The following PPP3CA variants were observed in gnomAD, a reference collection of about 807,000 sequenced individuals.
PPP3CA encodes the protein protein phosphatase 3 catalytic subunit alpha.
Under a neutral mutation model 66.5 loss-of-function variants are expected in PPP3CA, and 14 were observed. That is an observed-to-expected ratio of 0.21 (90% CI 0.14 to 0.33). The LOEUF (loss-of-function observed/expected upper bound fraction) is 0.33, where lower values mean the gene tolerates loss of function less well. Ranked by LOEUF, PPP3CA falls within the 10% of genes least tolerant of loss-of-function variation. The pLI is 1.00. For missense variants in PPP3CA, 317 were observed against 639.5 expected, an observed-to-expected ratio of 0.50 and a Z score of 5.44; for synonymous variants, 232 against 226.2, an observed-to-expected ratio of 1.03 and a Z score of -0.23.
intron 10 of PPP3CA, among the ~76,000 whole-genome samples, chr4:101,057,183 T>C (rs1728263405): frequency 6.6e-6 from 1 of 152,042 alleles, no homozygotes; most frequent in Non-Finnish European, 1.5e-5. Context: ...GCCTTCCAAG[T>C]AGCTAGGAAT....
Position 101,347,025 on chromosome 4 carries a change from C to T in PPP3CA, c.-229G>A. 2 of 594,866 alleles carry T rather than the reference C, an allele frequency of 3.4e-6. No individual in the cohort carries two copies. The highest frequency in any genetic ancestry group is 5.9e-6 in the Non-Finnish European group (2 of 340,410). The allele number at this position is 594,866 out of a possible 1,614,324, so 36.8% of individuals were successfully genotyped here. On this transcript the variant is annotated 5_prime_UTR_variant, in exon 1 of 14. Transcript: ENST00000394854. ...CCTCCTCCGCCGCTGCCGCCAGCCC[C>T]GCCGACTCGCTCCGGGCTGCGCGTG...
intron 2 of PPP3CA, among the ~76,000 whole-genome samples, chr4:101,186,018 G>A (rs905952009): frequency 6.6e-6 from 1 of 152,126 alleles, no homozygotes; most frequent in African/African-American, 2.4e-5. Flanking sequence ...TCTTTATAGT[G>A]TACAAAAGAA....
intron 1 of PPP3CA, among the ~76,000 whole-genome samples, chr4:101,310,843 T>G (rs1018056482): frequency 6.6e-6 from 1 of 152,142 alleles, no homozygotes; most frequent in African/African-American, 2.4e-5. Context: ...AAACTATAAA[T>G]GTACTTGGCA....
chr4:101,088,271 G>T (rs1171900272), intron 6 of PPP3CA, among the ~76,000 whole-genome samples: 1 of 152,130 alleles, frequency 6.6e-6, no homozygotes. Flanking sequence ...CTTGAAGGCA[G>T]GGACTCAGCA....
chr4:101,125,805 A>G (rs1447463757), intron 2 of PPP3CA, among the ~76,000 whole-genome samples: 1 of 152,188 alleles, frequency 6.6e-6, no homozygotes, highest in Non-Finnish European at 1.5e-5. Flanking sequence ...TCTGCATAGA[A>G]TTTATAATAG....
intron 1 of PPP3CA, among the ~76,000 whole-genome samples, chr4:101,332,110 G>A (rs1374056952): frequency 6.6e-6 from 1 of 152,194 alleles, no homozygotes; most frequent in African/African-American, 2.4e-5. Flanking sequence ...ACTGGGATGG[G>A]TGGTGGTGAC....
intron 1 of PPP3CA, among the ~76,000 whole-genome samples, chr4:101,297,747 C>T (rs1728242377): frequency 6.6e-6 from 1 of 152,164 alleles, no homozygotes; most frequent in Admixed American, 6.5e-5. Context: ...ATCCCCTGTC[C>T]TAAATCTGAG....
At chr4:101,323,177 T>C (rs1274523720) in intron 1 of PPP3CA, among the ~76,000 whole-genome samples, 1 of 152,152 alleles carries the variant, frequency 6.6e-6, no homozygotes, top group Non-Finnish European at 1.5e-5. Context: ...CATTCCTCCC[T>C]TGCTTGCCCT....
chr4:101,131,241 T>C (rs889092529), intron 2 of PPP3CA, among the ~76,000 whole-genome samples: 2 of 83,426 alleles, frequency 2.4e-5, no homozygotes, highest in African/African-American at 1.1e-4. Flanking sequence ...CGTCTCAAAA[T>C]AAATAAATAA....
In PPP3CA at chr4:101,223,524, T is replaced by C. The variant is rs137958157; in HGVS notation, c.59-27408A>G. ...TCTTAATTTAGTTCTCTTCCCCTGA[T>C]TCCACAATTACATCTCCATAAGACT... On this transcript the variant is annotated intron_variant, in intron 1 of 13. Coordinates refer to ENST00000394854, the MANE Select transcript of PPP3CA (RefSeq NM_000944.5). Among the ~76,000 whole-genome samples the C allele has an allele frequency of 3.2e-3, 488 of 151,938 alleles. 4 individuals are homozygous for C. Among genetic ancestry groups the C allele is most frequent in the Middle Eastern group, 0.02 (6 of 294 alleles).
chr4:101,178,650 A>G (rs1217315130), intron 2 of PPP3CA, among the ~76,000 whole-genome samples: 1 of 151,822 alleles, frequency 6.6e-6, no homozygotes, highest in African/African-American at 2.4e-5. Context: ...GAGTAAGTCA[A>G]CTCCGAAACC....
intron 7 of PPP3CA, among the ~76,000 whole-genome samples, chr4:101,081,691 A>G (rs987586430): frequency 6.6e-6 from 1 of 152,208 alleles, no homozygotes; most frequent in Non-Finnish European, 1.5e-5. Context: ...CTTTAGATAG[A>G]TAAACAGCCA....
At chr4:101,111,066 A>C (rs1180736451) in intron 2 of PPP3CA, among the ~76,000 whole-genome samples, 1 of 152,186 alleles carries the variant, frequency 6.6e-6, no homozygotes, top group Non-Finnish European at 1.5e-5. Context: ...ACAAGTAATA[A>C]TATAATTACT....
At chr4:101,325,983 A>G (rs1264562292) in intron 1 of PPP3CA, among the ~76,000 whole-genome samples, 3 of 152,128 alleles carry the variant, frequency 2.0e-5, no homozygotes, top group African/African-American at 7.2e-5. Context: ...TAATAAAAAT[A>G]AAAACATTAG....
At position 101,062,139 on chromosome 4, in the gene PPP3CA, C is replaced by G. The variant is rs936355757; in HGVS notation, c.1082-978G>C. Reference sequence around the variant, plus strand: ...AGAAACAACCCAAATAAAGGATGTTCAAAAGGTGCCCCATAGTTGTCAGCA... The same window carrying G: ...AGAAACAACCCAAATAAAGGATGTTGAAAAGGTGCCCCATAGTTGTCAGCA... On this transcript the variant is annotated intron_variant, in intron 9 of 13. Transcript: ENST00000394854. 5.1e-4 allele frequency among the ~76,000 whole-genome samples: 77 copies of G among 152,100 alleles called. 1 individual carries two copies. Among genetic ancestry groups the G allele is most frequent in the Non-Finnish European group, 4.4e-5 (3 of 67,932 alleles).
chr4:101,247,864 C>A (rs1274657874), intron 1 of PPP3CA, among the ~76,000 whole-genome samples: 1 of 152,118 alleles, frequency 6.6e-6, no homozygotes, highest in Non-Finnish European at 1.5e-5. Context: ...TCACTATGCA[C>A]TGCCTGAAGA....
chr4:101,292,768 T>C (rs1028663851), intron 1 of PPP3CA, among the ~76,000 whole-genome samples: 3 of 152,166 alleles, frequency 2.0e-5, no homozygotes, highest in African/African-American at 7.2e-5. Context: ...AGGGGTTGGG[T>C]GGATATAGCA....
At chr4:101,189,705 C>A (rs2659507) in intron 2 of PPP3CA, among the ~76,000 whole-genome samples, 30,947 of 125,116 alleles carry the variant, frequency 0.25, 5,596 homozygotes, top group African/African-American at 0.53. Flanking sequence ...AAAAAAAAAA[C>A]AAAACCAAAA....
chr4:101,153,951 T>C (rs988338574), intron 2 of PPP3CA, among the ~76,000 whole-genome samples: 3 of 152,168 alleles, frequency 2.0e-5, no homozygotes, highest in East Asian at 1.9e-4. Flanking sequence ...TTTGGACATA[T>C]GCATGGCCTT....
Sources: allele counts gnomAD v4.1 joint callset (sites outside exome capture counted in the v4.1 genomes callset), GRCh38; gene constraint gnomAD v4.1.1; transcripts MANE v1.5; gene names NCBI Gene and HGNC (gene_info 2026-07-23, HGNC 2026-07-21).